Variants in KIAA0825 observed in about 807,000 individuals in gnomAD.
KIAA0825 encodes the protein uncharacterized protein KIAA0825.
A neutral mutation model predicts 147.6 loss-of-function variants in KIAA0825; 119 were observed. The observed-to-expected ratio is 0.81, with a 90% confidence interval of 0.69 to 0.94. The LOEUF (loss-of-function observed/expected upper bound fraction) is 0.94. KIAA0825 is among the 40% of genes least tolerant of loss of function. KIAA0825 has a pLI of 0.00. For missense variants in KIAA0825, 1,381 were observed against 1,472.7 expected (o/e 0.94, Z 1.02); for synonymous variants, 470 against 518.1 (o/e 0.91, Z 1.26).
chr5:94,366,723 GC>G, intron 20 of KIAA0825, among the ~76,000 whole-genome samples: 1 of 152,302 alleles, frequency 6.6e-6, no homozygotes, highest in Admixed American at 6.5e-5. Context: ...GTTCTTCAGT[GC>G]TGTAAAGAAA....
chr5:94,474,575 A>C (rs1471665932), intron 7 of KIAA0825, among the ~76,000 whole-genome samples: 2 of 152,150 alleles, frequency 1.3e-5, no homozygotes, highest in African/African-American at 4.8e-5. Flanking sequence ...TAATTTTCTT[A>C]TATGTACAAC....
chr5:94,267,358 C>G (rs1293096262), intron 20 of KIAA0825, among the ~76,000 whole-genome samples: 1 of 151,862 alleles, frequency 6.6e-6, no homozygotes. Context: ...ATTGAGCACT[C>G]TGTACTGGAG....
intron 2 of KIAA0825, among the ~76,000 whole-genome samples, chr5:94,562,556 C>T (rs1225635862): frequency 6.6e-6 from 1 of 152,194 alleles, no homozygotes; most frequent in Non-Finnish European, 1.5e-5. Flanking sequence ...CTTCATGACA[C>T]AGAAGCTTTC....
intron 14 of KIAA0825, among the ~76,000 whole-genome samples, chr5:94,430,479 C>T (rs1362750): frequency 6.6e-6 from 1 of 151,956 alleles, no homozygotes; most frequent in Non-Finnish European, 1.5e-5. Context: ...AATAATGGCT[C>T]TTCTAGCAAG....
chr5:94,301,857 A>G (rs1185173416), intron 20 of KIAA0825, among the ~76,000 whole-genome samples: 1 of 152,152 alleles, frequency 6.6e-6, no homozygotes, highest in Non-Finnish European at 1.5e-5. Context: ...ACTAACATAA[A>G]ACAGGTTTTG....
chr5:94,522,242 C>T (rs1768355226), intron 4 of KIAA0825, among the ~76,000 whole-genome samples: 1 of 151,658 alleles, frequency 6.6e-6, no homozygotes, highest in East Asian at 1.9e-4. Context: ...CATCCACATT[C>T]TTTCTGCTAC....
At chr5:94,433,851 C>T (rs915533905) in intron 14 of KIAA0825, among the ~76,000 whole-genome samples, 5 of 152,070 alleles carry the variant, frequency 3.3e-5, no homozygotes, top group South Asian at 2.1e-4. Flanking sequence ...ATTCTTGGGG[C>T]GATAGGCAAA....
At chr5:94,316,192 A>G (rs2150225493) in intron 20 of KIAA0825, among the ~76,000 whole-genome samples, 1 of 151,840 alleles carries the variant, frequency 6.6e-6, no homozygotes, top group African/African-American at 2.4e-5. Context: ...AAGCAAAAAG[A>G]TAGAAAAAAA....
intron 20 of KIAA0825, among the ~76,000 whole-genome samples, chr5:94,169,965 G>A (rs1048296172): frequency 7.2e-5 from 11 of 152,096 alleles, no homozygotes; most frequent in Admixed American, 6.5e-4. Context: ...CCAAGCAACT[G>A]GATCCAGAGC....
intron 20 of KIAA0825, among the ~76,000 whole-genome samples, chr5:94,236,778 C>G (rs1775065612): frequency 6.6e-6 from 1 of 152,252 alleles, no homozygotes; most frequent in South Asian, 2.1e-4. Flanking sequence ...AGACAAGACT[C>G]TACACCAGCA....
chr5:94,512,578 A>T (rs1423051977), intron 5 of KIAA0825, among the ~76,000 whole-genome samples: 1 of 151,488 alleles, frequency 6.6e-6, no homozygotes, highest in Non-Finnish European at 1.5e-5. Flanking sequence ...CTTGGGCAAC[A>T]TAGCAAGATC....
Position 94,151,120 on chromosome 5 carries a change from A to G in KIAA0825, c.*2887T>C, listed in dbSNP as rs959320063. On this transcript the variant is annotated 3_prime_UTR_variant, in exon 21 of 21. Transcript: ENST00000682413. ...CTGCTTTGAAATACCACTTCTTATT[A>G]TACTTAAAAAAACATGGCCGGGCGC... Among the ~76,000 whole-genome samples the G allele has an allele frequency of 6.6e-6, 1 of 152,244 alleles. No homozygotes were observed. The highest frequency in any genetic ancestry group is 2.1e-4 in the South Asian group (1 of 4,822).
At chr5:94,432,085 ATTC>A (rs998310217) in intron 14 of KIAA0825, among the ~76,000 whole-genome samples, 5 of 152,230 alleles carry the variant, frequency 3.3e-5, no homozygotes, top group South Asian at 2.1e-4. Flanking sequence ...GTTCATAATA[ATTC>A]TTAAGTAAAT....
chr5:94,151,815 T>G lies in KIAA0825; in HGVS notation c.*2192A>C, dbSNP rs1344140721. Among the ~76,000 whole-genome samples, 1 of 152,228 alleles carries G rather than the reference T, an allele frequency of 6.6e-6. No homozygotes were observed. Among genetic ancestry groups the G allele is most frequent in the Non-Finnish European group, 1.5e-5 (1 of 68,028 alleles). On this transcript the variant is annotated 3_prime_UTR_variant, in exon 21 of 21. Coordinates refer to ENST00000682413, the MANE Select transcript of KIAA0825 (RefSeq NM_001145678.3). ...GAAATCCTGTAATTTTATAAGATGT[T>G]GTATCTAGTTTATTGGATTAATTTA... is the stretch of plus-strand genomic sequence containing the variant.
chr5:94,195,131 C>T (rs1334120381), intron 20 of KIAA0825, among the ~76,000 whole-genome samples: 1 of 152,186 alleles, frequency 6.6e-6, no homozygotes, highest in Non-Finnish European at 1.5e-5. Context: ...CTGTACTCCC[C>T]GTGGTGACTG....
chr5:94,468,539 G>C (rs948737220), intron 10 of KIAA0825, among the ~76,000 whole-genome samples: 5 of 152,110 alleles, frequency 3.3e-5, no homozygotes, highest in African/African-American at 1.2e-4. Context: ...TTCCATGACT[G>C]TTTGAAGTAT....
chr5:94,610,581 G>A (rs1279682399), intron 1 of KIAA0825, among the ~76,000 whole-genome samples: 1 of 149,894 alleles, frequency 6.7e-6, no homozygotes, highest in African/African-American at 2.4e-5. Flanking sequence ...TGGGCAACAT[G>A]GTGAAACCCT....
chr5:94,324,748 G>A (rs1278405696), intron 20 of KIAA0825, among the ~76,000 whole-genome samples: 2 of 151,756 alleles, frequency 1.3e-5, no homozygotes, highest in African/African-American at 4.8e-5. Context: ...ATGAGACAAG[G>A]TCACAGCATT....
chr5:94,295,120 T>G (rs1207308632), intron 20 of KIAA0825, among the ~76,000 whole-genome samples: 1 of 152,032 alleles, frequency 6.6e-6, no homozygotes, highest in Non-Finnish European at 1.5e-5. Flanking sequence ...GTTCATGCCT[T>G]TTCATTCTTT....
Sources: gnomAD v4.1 joint callset for allele counts (sites outside exome capture counted in the v4.1 genomes callset) on GRCh38, gnomAD v4.1.1 for gene constraint, MANE v1.5 for transcripts, NCBI Gene and HGNC (gene_info 2026-07-23, HGNC 2026-07-21) for gene names.